The following CACNA1E variants were observed in gnomAD, a reference collection of about 807,000 sequenced individuals.
CACNA1E encodes calcium voltage-gated channel subunit alpha1 E, also known as voltage-dependent R-type calcium channel subunit alpha-1E.
In CACNA1E, 40 loss-of-function variants were observed where a neutral mutation model predicts 259.2. The observed-to-expected ratio is 0.15, with a 90% CI of 0.12 to 0.20. The LOEUF (loss-of-function observed/expected upper bound fraction) is 0.20. Among genes scored for constraint, CACNA1E ranks in the 10% least tolerant of loss-of-function variants. CACNA1E has a pLI of 1.00. For synonymous variants in CACNA1E, 1,104 were observed against 1,138.5 expected, an observed-to-expected ratio of 0.97 and a Z score of 0.61; for missense variants, 1,874 against 3,040.1, an observed-to-expected ratio of 0.62 and a Z score of 9.02.
At chr1:181,680,488 G>C (rs1259729051) in intron 7 of CACNA1E, among the ~76,000 whole-genome samples, 1 of 152,108 alleles carries the variant, frequency 6.6e-6, no homozygotes, top group Non-Finnish European at 1.5e-5. Context: ...CAACCCACAG[G>C]GCCGGGAAAG....
intron 25 of CACNA1E, among the ~76,000 whole-genome samples, chr1:181,742,157 T>C (rs1356662922): frequency 6.6e-6 from 1 of 152,186 alleles, no homozygotes; most frequent in Non-Finnish European, 1.5e-5. Context: ...CATGCACCCA[T>C]GCTTTCTAAC....
chr1:181,535,004 A>G (rs1270260360), intron 3 of CACNA1E, among the ~76,000 whole-genome samples: 2 of 152,206 alleles, frequency 1.3e-5, no homozygotes, highest in Non-Finnish European at 2.9e-5. Flanking sequence ...AAGTAAGTGA[A>G]CATAACATTA....
chr1:181,746,493 C>T (rs1034761656), intron 25 of CACNA1E, among the ~76,000 whole-genome samples: 30 of 152,196 alleles, frequency 2.0e-4, no homozygotes, highest in African/African-American at 7.0e-4. Flanking sequence ...CCCTTCTACA[C>T]ATCATGTTCT....
intron 7 of CACNA1E, among the ~76,000 whole-genome samples, chr1:181,706,008 T>G (rs747238406): frequency 1.3e-5 from 2 of 152,142 alleles, no homozygotes; most frequent in African/African-American, 2.4e-5. Context: ...CCCTTCTTGA[T>G]TTCTGTTGCA....
chr1:181,561,682 C>T (rs1649342289), intron 3 of CACNA1E, among the ~76,000 whole-genome samples: 1 of 152,122 alleles, frequency 6.6e-6, no homozygotes, highest in Admixed American at 6.6e-5. Context: ...GTTTATTCAC[C>T]AATCGAGGGA....
intron 1 of CACNA1E, among the ~76,000 whole-genome samples, chr1:181,396,886 CT>C (rs1311946333): frequency 6.6e-6 from 1 of 152,182 alleles, no homozygotes; most frequent in Non-Finnish European, 1.5e-5. Flanking sequence ...CCATTAACTA[CT>C]TCTTCTTCTG....
chr1:181,730,670 G>A (rs762029898), intron 18 of CACNA1E, among the ~76,000 whole-genome samples: 2 of 152,188 alleles, frequency 1.3e-5, no homozygotes, highest in African/African-American at 2.4e-5. Context: ...CCTTGACATC[G>A]TGCATGGCAG....
At chr1:181,388,269 A>G (rs1655997217) in intron 1 of CACNA1E, among the ~76,000 whole-genome samples, 1 of 152,192 alleles carries the variant, frequency 6.6e-6, no homozygotes. Flanking sequence ...AACGTTCTAG[A>G]AGGTCGCCGT....
At chr1:181,441,988 TCTA>T in intron 2 of CACNA1E, among the ~76,000 whole-genome samples, 1 of 152,246 alleles carries the variant, frequency 6.6e-6, no homozygotes, top group South Asian at 2.1e-4. Context: ...AGTTGCCAGG[TCTA>T]CTCATTTGCA....
At chr1:181,430,415 A>G (rs1386013635) in intron 2 of CACNA1E, among the ~76,000 whole-genome samples, 1 of 152,168 alleles carries the variant, frequency 6.6e-6, no homozygotes, top group Non-Finnish European at 1.5e-5. Flanking sequence ...TGTTTGTGTA[A>G]TTCCCCTTAT....
chr1:181,417,731 C>T (rs575711345), intron 2 of CACNA1E, among the ~76,000 whole-genome samples: 1 of 152,304 alleles, frequency 6.6e-6, no homozygotes, highest in South Asian at 2.1e-4. Flanking sequence ...CCCATCATTT[C>T]CTGCCAGCTC....
chr1:181,740,971 G>A (rs1321470749), intron 25 of CACNA1E, among the ~76,000 whole-genome samples: 5 of 152,172 alleles, frequency 3.3e-5, no homozygotes, highest in Non-Finnish European at 4.4e-5. Flanking sequence ...ATTAAAGTCT[G>A]CCTTTGCCCT....
chr1:181,654,117 A>G (rs1658990730), intron 7 of CACNA1E, among the ~76,000 whole-genome samples: 1 of 151,854 alleles, frequency 6.6e-6, no homozygotes, highest in African/African-American at 2.4e-5. Flanking sequence ...GAGATAGAAG[A>G]GAAACCATTT....
chr1:181,503,687 T>C (rs1665462161), intron 1 of CACNA1E, among the ~76,000 whole-genome samples: 4 of 152,230 alleles, frequency 2.6e-5, no homozygotes, highest in Admixed American at 2.6e-4. Context: ...TGAAAGTAAC[T>C]GTATTTGTGC....
At chr1:181,567,597 T>C (rs1572232762) in intron 3 of CACNA1E, among the ~76,000 whole-genome samples, 1 of 152,314 alleles carries the variant, frequency 6.6e-6, no homozygotes. Flanking sequence ...CAGCAAGATG[T>C]TGTTGCTTCA....
rs759724094 is a variant in CACNA1E at position 181,732,736 on chromosome 1, C to G, written c.2650C>G (p.Leu884Val). The G allele has an allele frequency of 3.9e-6, 6 of 1,553,632 alleles. No individual in the cohort carries two copies. Among genetic ancestry groups the G allele is most frequent in the Non-Finnish European group, 5.2e-6 (6 of 1,150,602 alleles). The part of the protein sequence containing the change: ...LSLGQREPPW[L>V]ARPCHGNCDP... ...CCTGGGCCAGCGGGAGCCACCATGG[C>G]TGGCCAGGCCCTGTCATGGAAACTG... Residue 884 changes from leucine (L) to valine (V), a missense_variant, in exon 20 of 48, where the codon CTG becomes GTG. By Grantham distance (32) the Leu-to-Val change is conservative. Transcript: ENST00000367573. This position sits in a 1 kb window ranked among gnomAD's most constrained non-coding sequence, Gnocchi z 5.5.
intron 7 of CACNA1E, among the ~76,000 whole-genome samples, chr1:181,692,203 A>T (rs886976081): frequency 2.0e-5 from 3 of 152,196 alleles, no homozygotes; most frequent in Non-Finnish European, 4.4e-5. Flanking sequence ...ATGCTCATGA[A>T]TTGGAAGAGT....
At chr1:181,712,683 C>T (rs148333555) in intron 8 of CACNA1E, among the ~76,000 whole-genome samples, 2 of 152,186 alleles carry the variant, frequency 1.3e-5, no homozygotes, top group East Asian at 3.9e-4. Context: ...CAAATATCCC[C>T]TACCGCTTCC....
intron 1 of CACNA1E, among the ~76,000 whole-genome samples, chr1:181,507,438 G>A (rs1558066804): frequency 6.6e-6 from 1 of 152,240 alleles, no homozygotes; most frequent in African/African-American, 2.4e-5. Flanking sequence ...CTTATAGGGA[G>A]CAATATACTT....
Sources: allele counts gnomAD v4.1 joint callset (sites outside exome capture counted in the v4.1 genomes callset), GRCh38; gene constraint gnomAD v4.1.1; non-coding constraint Gnocchi (gnomAD v3.1); transcripts MANE v1.5; gene names NCBI Gene and HGNC (gene_info 2026-07-23, HGNC 2026-07-21).